NIN: variants seen among roughly 807,000 people sequenced by gnomAD.
NIN encodes glycogen synthase kinase 3 beta-interacting protein.
In NIN, 137 loss-of-function variants were observed where a neutral mutation model predicts 257.6. The observed-to-expected ratio is 0.53, with a 90% confidence interval of 0.46 to 0.61. NIN has a LOEUF of 0.61. Ranked by LOEUF, NIN falls within the 20% of genes least tolerant of loss-of-function variation. The pLI, the probability that NIN is intolerant of heterozygous loss-of-function variation, is 0.00. For missense variants in NIN, 2,439 were observed against 2,501.2 expected (o/e 0.98, Z 0.53); for synonymous variants, 918 against 919.8 (o/e 1.00, Z 0.04).
Position 50,723,664 on chromosome 14 carries a change from C to T in NIN, c.6201G>A (p.Lys2067=). 1 of 1,613,636 alleles carries T rather than the reference C, an allele frequency of 6.2e-7. No homozygotes were observed. The highest frequency in any genetic ancestry group is 8.5e-7 in the Non-Finnish European group (1 of 1,179,656). The change falls in exon 31 of 31, where the codon AAG becomes AAA. Residue 2067 remains lysine, a synonymous_variant. Coordinates refer to ENST00000530997, the MANE Select transcript of NIN (RefSeq NM_020921.4). ...TCACCATTGCGTCTGCCTTAGTGTT[C>T]TTGCAGAGCTAGAAACAGAACCAGA... ...KVNQLKEQLC[K]NTKADAMVKD...
At chr14:50,739,034 T>C (rs900619421) in intron 26 of NIN, among the ~76,000 whole-genome samples, 2 of 152,274 alleles carry the variant, frequency 1.3e-5, no homozygotes, top group Admixed American at 6.5e-5. Context: ...GAAGACTATA[T>C]GGTTCACATA....
chr14:50,810,800 A>G (rs2044560072), intron 3 of NIN, among the ~76,000 whole-genome samples: 1 of 151,972 alleles, frequency 6.6e-6, no homozygotes, highest in Admixed American at 6.5e-5. Context: ...AGCTGGGACT[A>G]CAGGCGCCCA....
intron 22 of NIN, among the ~76,000 whole-genome samples, chr14:50,746,590 T>C (rs1450779166): frequency 6.6e-6 from 1 of 152,222 alleles, no homozygotes. Flanking sequence ...ACTTTGTGCT[T>C]ACAGGTTGAA....
intron 5 of NIN, among the ~76,000 whole-genome samples, chr14:50,785,052 C>A (rs1031748579): frequency 6.6e-6 from 1 of 152,270 alleles, no homozygotes; most frequent in Non-Finnish European, 1.5e-5. Context: ...CCCAAACCCA[C>A]TCTGTGGGCC....
intron 11 of NIN, 111 bp from the exon 12 acceptor site, chr14:50,770,673 A>C (rs1446633185): frequency 7.2e-7 from 1 of 1,392,948 alleles, no homozygotes; most frequent in Admixed American, 2.0e-5. Flanking sequence ...CCTGGATAAA[A>C]TATCTAGTGT....
Position 50,812,141 on chromosome 14 carries a change from C to T in NIN, c.184-5323G>A, listed in dbSNP as rs374144426. On this transcript the variant is annotated intron_variant, in intron 3 of 30. Coordinates refer to ENST00000530997, the MANE Select transcript of NIN (RefSeq NM_020921.4). The stretch of plus-strand genomic sequence containing the variant: ...TCTCTGAAACAAAAAATTTTTTTTA[C>T]GAACGTGGGTCATGGATAATGCTAG... 5.5e-4 allele frequency among the ~76,000 whole-genome samples: 84 copies of T among 152,192 alleles called. 1 individual carries two copies. The South Asian group carries it at 0.016, about 29-fold the overall frequency.
intron 30 of NIN, among the ~76,000 whole-genome samples, chr14:50,724,892 C>T (rs2040352708): frequency 6.6e-6 from 1 of 152,206 alleles, no homozygotes; most frequent in Admixed American, 6.5e-5. Flanking sequence ...ATGTCTTTCT[C>T]TTGTGTTCTC....
chr14:50,743,039 C>A (rs971870728), intron 24 of NIN, among the ~76,000 whole-genome samples: 3 of 152,146 alleles, frequency 2.0e-5, no homozygotes, highest in African/African-American at 4.8e-5. Context: ...TCTTGGCTCA[C>A]TGCATCCTCT....
In NIN at chr14:50,772,010, C is replaced by CA. The variant is rs11347875; in HGVS notation, c.981+290dup. On this transcript the variant is annotated intron_variant, in intron 9 of 30. Transcript: ENST00000530997. The stretch of plus-strand genomic sequence containing the variant: ...CAAAAAAAAAACAAACAACAAAAAA[C>CA]AAAAAAAAAACACAACAACAACAAC... The CA allele has an allele frequency of 3.1e-3, 707 of 225,582 alleles. 1 individual carries two copies. Among genetic ancestry groups the CA allele is most frequent in the African/African-American group, 5.7e-3 (244 of 42,948 alleles). 14.0% of individuals were successfully genotyped at this position (225,582 alleles called of 1,614,324 possible).
intron 4 of NIN, among the ~76,000 whole-genome samples, chr14:50,805,046 A>G (rs2142175705): frequency 6.6e-6 from 1 of 152,326 alleles, no homozygotes; most frequent in East Asian, 1.9e-4. Context: ...TGACAGTGAC[A>G]GTACAGGTTT....
chr14:50,778,803 T>G lies in NIN; in HGVS notation c.437A>C (p.His146Pro). 6.2e-7 allele frequency: 1 copy of G among 1,614,144 alleles called. No homozygotes were observed. Among genetic ancestry groups the G allele is most frequent in the African/African-American group, 1.3e-5 (1 of 75,056 alleles). Residue 146 changes from histidine (H) to proline (P), a missense_variant and splice_region_variant, in exon 6 of 31, where the codon CAC becomes CCC. Transcript: ENST00000530997. The stretch of plus-strand genomic sequence containing the variant: ...CTCCTCACTGCGTTGCGTCTTCCAG[T>G]GCTAGAGAAGGCAAGAGAAGATTAG... ...SHIPAGDCSE[H>P]WKTQRSEEYE...
At chr14:50,778,614 A>G in intron 6 of NIN, 151 bp downstream of exon 6, 2 of 709,566 alleles carry the variant, frequency 2.8e-6, no homozygotes, top group South Asian at 3.2e-5. Flanking sequence ...TTTTAAAACT[A>G]AAAGCTATCA....
In NIN at chr14:50,760,114, G is replaced by A; in HGVS notation, c.2142C>T (p.His714=). The A allele has an allele frequency of 1.2e-6, 2 of 1,614,192 alleles. No homozygotes were observed. The highest frequency in any genetic ancestry group is 8.5e-7 in the Non-Finnish European group (1 of 1,180,050). Residue 714 remains histidine (H), a synonymous_variant, in exon 17 of 31, where the codon CAC becomes CAT. Coordinates refer to ENST00000530997, the MANE Select transcript of NIN (RefSeq NM_020921.4). The stretch of plus-strand genomic sequence containing the variant: ...GTTGCAGCCTCAGCTTCTCCTGCAG[G>A]TGAGTCTTTTCCTCCTCAAGCTTCA... The part of the protein sequence containing the change: ...LQVKLEEEKT[H]LQEKLRLQHE...
intron 27 of NIN, among the ~76,000 whole-genome samples, chr14:50,735,826 T>A (rs1423429929): frequency 6.6e-6 from 1 of 152,192 alleles, no homozygotes; most frequent in Non-Finnish European, 1.5e-5. Context: ...CAGAATAGAT[T>A]CCTTAAGGCA....
intron 2 of NIN, among the ~76,000 whole-genome samples, chr14:50,825,428 A>G (rs1032177249): frequency 6.6e-6 from 1 of 152,242 alleles, no homozygotes; most frequent in African/African-American, 2.4e-5. Flanking sequence ...AGAAAGCTGC[A>G]CTGTAACTGG....
chr14:50,783,886 T>C (rs1241362329), intron 5 of NIN, among the ~76,000 whole-genome samples: 1 of 152,116 alleles, frequency 6.6e-6, no homozygotes, highest in African/African-American at 2.4e-5. Flanking sequence ...GCCTGGCAGG[T>C]GGCCTGTAGA....
At chr14:50,763,724 TTTTC>T in intron 15 of NIN, 98 bp downstream of exon 15, 9 of 1,019,846 alleles carry the variant, frequency 8.8e-6, no homozygotes, top group South Asian at 1.9e-5. Flanking sequence ...TTTTTTTTTT[TTTTC>T]TTTTTTCAAG....
Position 50,758,533 on chromosome 14 carries a change from G to C in NIN, c.2497C>G (p.Leu833Val). ...CGGTAGCGCCCCTCCAGGCTTTGCA[G>C]AGCGCTTTCACACCTCTCAGTGACT... ...QKVTERCESA[L>V]QSLEGRYRQE... The change falls in exon 18 of 31, where the codon CTG (leucine) becomes GTG (valine). Residue 833 changes from leucine (L) to valine (V), a missense_variant. Transcript: ENST00000530997. The C allele has an allele frequency of 6.2e-7, 1 of 1,614,172 alleles. No individual in the cohort carries two copies.
chr14:50,728,588 C>G (rs1429274833), intron 29 of NIN, among the ~76,000 whole-genome samples: 2 of 152,190 alleles, frequency 1.3e-5, no homozygotes, highest in African/African-American at 4.8e-5. Flanking sequence ...CCTTGTCAAG[C>G]ATTAACTGAG....
Sources: gnomAD v4.1 joint callset for allele counts (sites outside exome capture counted in the v4.1 genomes callset) on GRCh38, gnomAD v4.1.1 for gene constraint, MANE v1.5 for transcripts, NCBI Gene and HGNC (gene_info 2026-07-23, HGNC 2026-07-21) for gene names.